The following EXOSC10 variants were observed in gnomAD, a reference collection of about 807,000 sequenced individuals.
The protein encoded by EXOSC10 is exosome complex component 10.
Under a neutral mutation model 126.6 loss-of-function variants are expected in EXOSC10, and 94 were observed. That is an observed-to-expected ratio of 0.74 (90% CI 0.63 to 0.88). The LOEUF (loss-of-function observed/expected upper bound fraction) is 0.88, where lower values mean the gene tolerates loss of function less well. Among genes scored for constraint, EXOSC10 ranks in the 40% least tolerant of loss-of-function variants. The pLI is 0.00. For missense variants in EXOSC10, 1,041 were observed against 1,100.5 expected (o/e 0.95, Z 0.77); for synonymous variants, 395 against 400.8 (o/e 0.99, Z 0.17).
chr1:11,087,654 T>A, intron 8 of EXOSC10, 63 bp from the exon 9 acceptor site: 1 of 1,580,146 alleles, frequency 6.3e-7, no homozygotes, highest in Non-Finnish European at 8.6e-7. Context: ...TTTCCTTTAC[T>A]GATTTTGAAA....
chr1:11,071,627 C>T lies in EXOSC10; in HGVS notation c.2242+460G>A, dbSNP rs553882271. On this transcript the variant is annotated intron_variant, in intron 20 of 24. Transcript: ENST00000376936. The stretch of plus-strand genomic sequence containing the variant: ...CTTCCCCCCGTCTGCTCAGCACCCT[C>T]CTGGCTTCTGAACTCAGAGTAAAAG... The T allele has an allele frequency of 1.1e-4, 18 of 168,330 alleles. No individual in the cohort carries two copies. The East Asian group carries it at 3.1e-3, about 29-fold the overall frequency. 10.4% of individuals were successfully genotyped at this position (168,330 alleles called of 1,614,324 possible). A position where few individuals can be genotyped will look rare whatever the true frequency, so the allele number is the denominator to read the frequency against.
intron 3 of EXOSC10, among the ~76,000 whole-genome samples, chr1:11,092,349 G>T (rs535325715): frequency 2.0e-5 from 3 of 152,132 alleles, no homozygotes; most frequent in Non-Finnish European, 2.9e-5. Flanking sequence ...CAAGTAATTG[G>T]GACTACAGGC....
intron 10 of EXOSC10, chr1:11,082,480 T>C (rs1345336767): frequency 1.7e-5 from 21 of 1,261,460 alleles, no homozygotes; most frequent in Non-Finnish European, 2.1e-5. Flanking sequence ...TGGAACACAG[T>C]GTAACTGCAT....
At chr1:11,089,548 G>A (rs1353235879) in intron 6 of EXOSC10, among the ~76,000 whole-genome samples, 1 of 151,174 alleles carries the variant, frequency 6.6e-6, no homozygotes, top group Non-Finnish European at 1.5e-5. Flanking sequence ...TTGAACTCAG[G>A]AGGCAGAGGC....
chr1:11,080,616 C>T, intron 12 of EXOSC10, 67 bp from the exon 13 acceptor site: 1 of 1,593,958 alleles, frequency 6.3e-7, no homozygotes, highest in South Asian at 1.1e-5. Context: ...GGTGGGGACA[C>T]ATTACATTCA....
chr1:11,069,841 AG>A (rs768012117), intron 21 of EXOSC10, 111 bp from the exon 22 acceptor site: 92 of 1,166,230 alleles, frequency 7.9e-5, no homozygotes, highest in Non-Finnish European at 1.1e-4. Flanking sequence ...TAAGAAGAAC[AG>A]TCAGTGGTGG....
At chr1:11,078,315 T>C (rs946124726) in intron 14 of EXOSC10, among the ~76,000 whole-genome samples, 2 of 150,262 alleles carry the variant, frequency 1.3e-5, no homozygotes, top group African/African-American at 4.9e-5. Context: ...TGGAGTGCAG[T>C]GGCGGGATCT....
At chr1:11,078,516 C>T (rs1463516064) in intron 14 of EXOSC10, among the ~76,000 whole-genome samples, 10 of 152,050 alleles carry the variant, frequency 6.6e-5, no homozygotes, top group Non-Finnish European at 1.0e-4. Flanking sequence ...CTCGGCCTCC[C>T]AAAGTGCTGG....
Position 11,098,559 on chromosome 1 carries a change from G to A in EXOSC10, c.112-403C>T, listed in dbSNP as rs76343955. ...GTTTTTGTGAGGACAGAATGAATAAGCTAATAAAAGCACTTAGGACAGTTC... is the reference window on the plus strand; with the variant it reads ...GTTTTTGTGAGGACAGAATGAATAAACTAATAAAAGCACTTAGGACAGTTC... On this transcript the variant is annotated intron_variant, in intron 1 of 24. Transcript: ENST00000376936. 7.9e-3 allele frequency among the ~76,000 whole-genome samples: 1,208 copies of A among 152,294 alleles called. 19 individuals carry two copies. Among genetic ancestry groups the A allele is most frequent in the African/African-American group, 0.027 (1,117 of 41,548 alleles).
intron 11 of EXOSC10, 40 bp downstream of exon 11, chr1:11,081,042 C>A: frequency 6.2e-7 from 1 of 1,607,908 alleles, no homozygotes; most frequent in Non-Finnish European, 8.5e-7. Context: ...AGACACAGAG[C>A]CCAAGTGTCG....
At chr1:11,097,643 G>A (rs950723160) in intron 2 of EXOSC10, among the ~76,000 whole-genome samples, 1 of 146,380 alleles carries the variant, frequency 6.8e-6, no homozygotes, top group Non-Finnish European at 1.5e-5. Flanking sequence ...GGAGAATAGC[G>A]TGAACCTGGG....
Position 11,090,966 on chromosome 1 carries a change from C to T in EXOSC10, c.643+48G>A, listed in dbSNP as rs757897677. ...ACCTGTACACCCTTCCTGGTTTTTG[C>T]ATCAAATAAAGTGAGACTCAAACAC... On this transcript the variant is annotated intron_variant, in intron 5 of 24. Coordinates refer to ENST00000376936, the MANE Select transcript of EXOSC10 (RefSeq NM_001001998.3). 26 of 1,582,612 alleles carry T rather than the reference C, an allele frequency of 1.6e-5. No homozygotes were observed. In the East Asian group the frequency reaches 4.9e-4, roughly 30 times the overall value.
rs1292611768 is a variant in EXOSC10, at chr1:11,088,156, T to C, written c.801A>G (p.Pro267=). The C allele has an allele frequency of 1.9e-6, 3 of 1,613,666 alleles. No homozygotes were observed. The highest frequency in any genetic ancestry group is 2.5e-6 in the Non-Finnish European group (3 of 1,179,920). ...PYQYELNHFT[P]ADAVLQKPQP... is the part of the protein sequence containing the mutation. Reference sequence around the variant, plus strand: ...GTGGCTTTTGAAGCACTGCATCTGCTGGGGTAAAGTGATTTAGTTCATATT... The same window carrying C: ...GTGGCTTTTGAAGCACTGCATCTGCCGGGGTAAAGTGATTTAGTTCATATT... Residue 267 remains proline, a synonymous_variant, in exon 7 of 25, where the codon CCA becomes CCG. Transcript: ENST00000376936.
intron 1 of EXOSC10, 121 bp from the exon 2 acceptor site, chr1:11,098,277 T>G: frequency 8.1e-7 from 1 of 1,237,964 alleles, no homozygotes. Flanking sequence ...AAGCACTCAT[T>G]TAGTGCCAAA....
intron 14 of EXOSC10, among the ~76,000 whole-genome samples, chr1:11,078,411 C>T (rs886641989): frequency 6.6e-6 from 1 of 151,734 alleles, no homozygotes; most frequent in Non-Finnish European, 1.5e-5. Context: ...GCGCCCGCCA[C>T]TACGCCTGGC....
chr1:11,099,526 G>A, intron 1 of EXOSC10, 195 bp downstream of exon 1: 1 of 537,676 alleles, frequency 1.9e-6, no homozygotes, highest in Non-Finnish European at 3.1e-6. Flanking sequence ...CTCGCAAGCG[G>A]GACGCCCCTC....
intron 4 of EXOSC10, 75 bp downstream of exon 4, chr1:11,091,418 A>T: frequency 7.8e-7 from 1 of 1,281,528 alleles, no homozygotes; most frequent in Non-Finnish European, 1.1e-6. Flanking sequence ...TAGAACAGAA[A>T]TGCATGTTAG....
At chr1:11,069,227 C>CTGTGTGTGTGTGTGTGTGTGTGTGTGTG (rs146028725) in intron 22 of EXOSC10, among the ~76,000 whole-genome samples, 4 of 135,340 alleles carry the variant, frequency 3.0e-5, no homozygotes, top group African/African-American at 1.0e-4. Flanking sequence ...AAACAAAATT[C>CTGTGTGTGTGTGTGTGTGTGTGTGTGTG]TGTGTGTGTG....
chr1:11,089,812 C>T (rs1231561662), intron 6 of EXOSC10, among the ~76,000 whole-genome samples: 1 of 150,376 alleles, frequency 6.6e-6, no homozygotes, highest in Non-Finnish European at 1.5e-5. Context: ...TGCATGATGG[C>T]TCATGCCTGT....
Sources: gnomAD v4.1 joint callset for allele counts (sites outside exome capture counted in the v4.1 genomes callset) on GRCh38, gnomAD v4.1.1 for gene constraint, MANE v1.5 for transcripts, NCBI Gene and HGNC (gene_info 2026-07-23, HGNC 2026-07-21) for gene names.